Variants in GAS7 observed in about 807,000 individuals in gnomAD.
GAS7 encodes growth arrest specific 7.
Under a neutral mutation model 71.1 loss-of-function variants are expected in GAS7, and 28 were observed. The ratio of observed to expected loss-of-function variants is 0.39; its 90% CI spans 0.29 to 0.54. The LOEUF (loss-of-function observed/expected upper bound fraction) is 0.54. GAS7 is among the 20% of genes least tolerant of loss of function. The probability of loss-of-function intolerance (pLI) is 0.62; values close to 1 mark genes in which losing one functional copy is unlikely to be tolerated. For missense variants in GAS7, 436 were observed against 627.8 expected (o/e 0.69, Z 3.27); for synonymous variants, 258 against 245.8 (o/e 1.05, Z -0.46).
chr17:10,114,978 C>A (rs983579873), intron 1 of GAS7, among the ~76,000 whole-genome samples: 2 of 152,204 alleles, frequency 1.3e-5, no homozygotes, highest in African/African-American at 4.8e-5. Context: ...GCTGGGCCAG[C>A]TGCAGACCAA....
At chr17:9,966,000 T>C (rs1489100431) in intron 4 of GAS7, among the ~76,000 whole-genome samples, 1 of 132,424 alleles carries the variant, frequency 7.6e-6, no homozygotes, top group African/African-American at 3.7e-5. Context: ...CAAAATTCTT[T>C]TTTTTTTTTT....
intron 1 of GAS7, among the ~76,000 whole-genome samples, chr17:10,165,287 T>G (rs142134342): frequency 0.02 from 2,491 of 127,034 alleles, 85 homozygotes; most frequent in African/African-American, 0.075. Context: ...GCGAGATTCC[T>G]TCTCAAAAAA....
intron 1 of GAS7, among the ~76,000 whole-genome samples, chr17:10,140,617 C>T (rs1435676390): frequency 6.6e-6 from 1 of 152,096 alleles, no homozygotes; most frequent in Non-Finnish European, 1.5e-5. Flanking sequence ...TGTTTATGTA[C>T]ATGAATATGC....
intron 5 of GAS7, among the ~76,000 whole-genome samples, chr17:9,958,270 G>A (rs959061434): frequency 6.6e-6 from 1 of 152,142 alleles, no homozygotes; most frequent in African/African-American, 2.4e-5. Flanking sequence ...TATAGCTAAT[G>A]GACAATTAAA....
chr17:10,059,071 G>A (rs1237801902), intron 1 of GAS7, among the ~76,000 whole-genome samples: 2 of 152,196 alleles, frequency 1.3e-5, no homozygotes, highest in Non-Finnish European at 2.9e-5. Context: ...GACAGAATGC[G>A]CACAAACGTG....
intron 1 of GAS7, among the ~76,000 whole-genome samples, chr17:10,064,608 C>G (rs2073260993): frequency 6.6e-6 from 1 of 152,224 alleles, no homozygotes; most frequent in African/African-American, 2.4e-5. Context: ...AGATGTATTA[C>G]TATGACAAGA....
intron 1 of GAS7, among the ~76,000 whole-genome samples, chr17:10,148,909 CAAAAAAA>C (rs752140645): frequency 1.7e-5 from 2 of 117,308 alleles, no homozygotes; most frequent in Non-Finnish European, 3.5e-5. Context: ...GACTCCGCCT[CAAAAAAA>C]AAAAAAAAAA....
chr17:9,943,096 G>C (rs766651578), intron 7 of GAS7, 25 bp downstream of exon 7: 1 of 1,484,764 alleles, frequency 6.7e-7, no homozygotes, highest in Admixed American at 1.7e-5. Context: ...CCAGGCCCCA[G>C]GGCTGGGAGG....
intron 1 of GAS7, among the ~76,000 whole-genome samples, chr17:10,079,621 A>T (rs1258473054): frequency 6.6e-6 from 1 of 152,220 alleles, no homozygotes; most frequent in Non-Finnish European, 1.5e-5. Context: ...CCCCAGCTTC[A>T]AGCTGTCCCA....
intron 3 of GAS7, among the ~76,000 whole-genome samples, chr17:9,977,860 G>A (rs894272194): frequency 2.0e-5 from 3 of 152,170 alleles, no homozygotes; most frequent in African/African-American, 7.2e-5. Context: ...TAATAAGAAT[G>A]AACCAGCTCT....
intron 1 of GAS7, among the ~76,000 whole-genome samples, chr17:10,125,504 G>A (rs1179907098): frequency 4.3e-5 from 6 of 138,670 alleles, no homozygotes; most frequent in Non-Finnish European, 4.6e-5. Context: ...CAGCCTGGGT[G>A]ACAAGAGCGA....
intron 8 of GAS7, among the ~76,000 whole-genome samples, chr17:9,937,318 G>A (rs142978984): frequency 1.1e-3 from 161 of 152,346 alleles, no homozygotes; most frequent in African/African-American, 3.8e-3. Flanking sequence ...CATATGCTGT[G>A]CATGTTGGCC....
chr17:9,944,365 T>C (rs1203336301), intron 6 of GAS7, among the ~76,000 whole-genome samples: 4 of 152,172 alleles, frequency 2.6e-5, no homozygotes, highest in Non-Finnish European at 4.4e-5. Context: ...GAGAGGTGCA[T>C]TGGTGAGAAC....
At chr17:10,098,911 G>C (rs886786956) in intron 1 of GAS7, among the ~76,000 whole-genome samples, 1 of 152,230 alleles carries the variant, frequency 6.6e-6, no homozygotes, top group African/African-American at 2.4e-5. Flanking sequence ...AGCCAAGATC[G>C]TGCCACTGCA....
chr17:9,989,685 C>G (rs757924013), intron 2 of GAS7, among the ~76,000 whole-genome samples: 1 of 151,966 alleles, frequency 6.6e-6, no homozygotes, highest in African/African-American at 2.4e-5. Context: ...GTTATGAGAA[C>G]GAAGCTGTAA....
intron 5 of GAS7, among the ~76,000 whole-genome samples, chr17:9,957,876 C>T (rs570164101): frequency 6.6e-6 from 1 of 152,180 alleles, no homozygotes; most frequent in African/African-American, 2.4e-5. Context: ...GGAACCCAAG[C>T]CAGCTCCAGA....
intron 1 of GAS7, among the ~76,000 whole-genome samples, chr17:10,036,098 C>T (rs1411442968): frequency 6.6e-6 from 1 of 152,220 alleles, no homozygotes; most frequent in Non-Finnish European, 1.5e-5. Context: ...CATCACACAG[C>T]TCCAACTACG....
chr17:9,926,316 C>T lies in GAS7; in HGVS notation c.1014+325G>A, dbSNP rs11652174. Among the ~76,000 whole-genome samples, 17,645 of 152,098 alleles carry T rather than the reference C, an allele frequency of 0.12. 1,092 individuals carry two copies. Among genetic ancestry groups the T allele is most frequent in the South Asian group, 0.14 (689 of 4,808 alleles). On this transcript the variant is annotated intron_variant, in intron 10 of 13. Coordinates refer to ENST00000432992, the MANE Select transcript of GAS7 (RefSeq NM_201433.2). The surrounding 1 kb of genome is among the most constrained non-coding windows in gnomAD (Gnocchi z 5.0). Reference sequence around the variant, plus strand: ...GCCAGGTGAGGCTTAAACACGGGGCCCCACGTGAACCAGCAGCAGCACTGC... The same window carrying T: ...GCCAGGTGAGGCTTAAACACGGGGCTCCACGTGAACCAGCAGCAGCACTGC...
At chr17:10,022,228 T>G (rs1440572493) in intron 1 of GAS7, among the ~76,000 whole-genome samples, 2 of 152,184 alleles carry the variant, frequency 1.3e-5, no homozygotes, top group Non-Finnish European at 2.9e-5. Flanking sequence ...CACTCCAGCC[T>G]GGGTGACAGA....
Sources: allele counts gnomAD v4.1 joint callset (sites outside exome capture counted in the v4.1 genomes callset), GRCh38; gene constraint gnomAD v4.1.1; non-coding constraint Gnocchi (gnomAD v3.1); transcripts MANE v1.5; gene names NCBI Gene and HGNC (gene_info 2026-07-23, HGNC 2026-07-21).